The following EPB41L3 variants were observed in gnomAD, a reference collection of about 807,000 sequenced individuals.
EPB41L3 encodes the protein erythrocyte membrane protein band 4.1 like 3, also known as band 4.1-like protein 3.
EPB41L3 carries 57 observed loss-of-function variants against 127.1 expected under a neutral mutation model. The observed-to-expected ratio is 0.45, with a 90% CI of 0.36 to 0.56. EPB41L3 has a LOEUF of 0.56. EPB41L3 is among the 20% of genes least tolerant of loss of function. The pLI, the probability that EPB41L3 is intolerant of heterozygous loss-of-function variation, is 0.00. For synonymous variants in EPB41L3, 572 were observed against 549.5 expected, an observed-to-expected ratio of 1.04 and a Z score of -0.57; for missense variants, 1,273 against 1,372.2, an observed-to-expected ratio of 0.93 and a Z score of 1.14.
intron 3 of EPB41L3, chr18:5,466,508 G>C (rs1185577074): frequency 6.6e-6 from 1 of 152,162 alleles, no homozygotes; most frequent in African/African-American, 2.4e-5. Context: ...ATTCTTCCCT[G>C]AACCTACTTC....
intron 3 of EPB41L3, among the ~76,000 whole-genome samples, chr18:5,576,856 A>G (rs558878678): frequency 6.6e-6 from 1 of 152,352 alleles, no homozygotes; most frequent in African/African-American, 2.4e-5. Context: ...TGCAAAGTCT[A>G]AGCATAAGTA....
chr18:5,433,614 T>C, intron 7 of EPB41L3, 58 bp from the exon 8 acceptor site: 2 of 1,442,180 alleles, frequency 1.4e-6, no homozygotes, highest in Admixed American at 3.6e-5. Context: ...TAGGCTGCAA[T>C]ATTTCCCACT....
At position 5,397,199 on chromosome 18, in the gene EPB41L3, C is replaced by G; in HGVS notation, c.2700G>C (p.Gly900=). ...CCTCCTCCCCTCCTTCCTCTTTAGCCCCCTCCGTCAAGGCAGAGCCCTCTT... is the reference window on the plus strand; with the variant it reads ...CCTCCTCCCCTCCTTCCTCTTTAGCGCCCTCCGTCAAGGCAGAGCCCTCTT... ...KGKEGSALTE[G]AKEEGGEEVA... The change falls in exon 18 of 23, where the codon GGG becomes GGC. Residue 900 remains glycine (G), a synonymous_variant. Transcript: ENST00000341928. The surrounding 1 kb of genome is among the most constrained non-coding windows in gnomAD (Gnocchi z 4.1). 1 of 1,614,142 alleles carries G rather than the reference C, an allele frequency of 6.2e-7. No individual in the cohort carries two copies. Among genetic ancestry groups the G allele is most frequent in the Non-Finnish European group, 8.5e-7 (1 of 1,180,020 alleles).
chr18:5,536,541 C>T (rs2093578401), intron 1 of EPB41L3, among the ~76,000 whole-genome samples: 1 of 151,188 alleles, frequency 6.6e-6, no homozygotes, highest in South Asian at 2.1e-4. Context: ...GTGGCTCACA[C>T]CTGTAATCCC....
At chr18:5,446,471 T>C (rs926618586) in intron 3 of EPB41L3, among the ~76,000 whole-genome samples, 1 of 151,886 alleles carries the variant, frequency 6.6e-6, no homozygotes, top group Non-Finnish European at 1.5e-5. Context: ...ACTAAATGAG[T>C]TTTTTGTTTG....
chr18:5,534,801 A>G (rs1252966002), intron 1 of EPB41L3, among the ~76,000 whole-genome samples: 1 of 152,188 alleles, frequency 6.6e-6, no homozygotes, highest in Non-Finnish European at 1.5e-5. Context: ...CTTCAAACAC[A>G]GATCTCATTT....
At chr18:5,628,036 T>A (rs1055946502) in intron 1 of EPB41L3, among the ~76,000 whole-genome samples, 1 of 152,198 alleles carries the variant, frequency 6.6e-6, no homozygotes, top group Non-Finnish European at 1.5e-5. Flanking sequence ...AGAACCGACC[T>A]GAACTTGACT....
chr18:5,394,561 C>T (rs1335454191), intron 22 of EPB41L3, 116 bp downstream of exon 22: 3 of 737,360 alleles, frequency 4.1e-6, no homozygotes, highest in African/African-American at 3.5e-5. Context: ...GTAACCAGCC[C>T]AACAAATGCC....
intron 3 of EPB41L3, among the ~76,000 whole-genome samples, chr18:5,596,305 T>G (rs2094536741): frequency 6.6e-6 from 1 of 152,196 alleles, no homozygotes; most frequent in African/African-American, 2.4e-5. Context: ...AGGAATGGAT[T>G]TCTAACAAGT....
intron 15 of EPB41L3, 35 bp from the exon 16 acceptor site, chr18:5,407,003 G>T: frequency 6.3e-7 from 1 of 1,576,882 alleles, no homozygotes; most frequent in Non-Finnish European, 8.7e-7. Context: ...AACAGTCAAT[G>T]TTTTACATTT....
chr18:5,601,278 A>G (rs1370466054), intron 3 of EPB41L3, among the ~76,000 whole-genome samples: 1 of 152,140 alleles, frequency 6.6e-6, no homozygotes, highest in Non-Finnish European at 1.5e-5. Context: ...TTCAGAGATA[A>G]CACCATCAAA....
Position 5,543,776 on chromosome 18 carries a change from G to A in EPB41L3, c.-12+137C>T, listed in dbSNP as rs2093820177. The A allele has an allele frequency of 4.3e-6, 3 of 704,896 alleles. 1 individual carries two copies. In the South Asian group the frequency reaches 1.9e-4, roughly 45 times the overall value. The allele number at this position is 704,896 out of a possible 1,614,324, so 43.7% of individuals were successfully genotyped here. ...CGCCGGGCGCGGGGCTCGGGATTCG[G>A]GAGACCGCGCGGCGCCGAAGCCACG... On this transcript the variant is annotated intron_variant, in intron 1 of 22. Coordinates refer to ENST00000341928, the MANE Select transcript of EPB41L3 (RefSeq NM_012307.5). The surrounding 1 kb of genome is among the most constrained non-coding windows in gnomAD (Gnocchi z 5.2).
intron 1 of EPB41L3, among the ~76,000 whole-genome samples, chr18:5,524,169 AT>A (rs1224167902): frequency 4.2e-4 from 61 of 144,628 alleles, no homozygotes; most frequent in Middle Eastern, 3.5e-3. Context: ...GACTCTTTTC[AT>A]TTTTTTTTTT....
chr18:5,607,921 A>G (rs983199496), intron 3 of EPB41L3, among the ~76,000 whole-genome samples: 7 of 152,178 alleles, frequency 4.6e-5, no homozygotes, highest in African/African-American at 9.7e-5. Context: ...GTCCAAAAGT[A>G]TGTTAAACTG....
At chr18:5,538,885 A>C (rs1180513336) in intron 1 of EPB41L3, among the ~76,000 whole-genome samples, 2 of 152,196 alleles carry the variant, frequency 1.3e-5, no homozygotes, top group Non-Finnish European at 2.9e-5. Context: ...GACAGAGGTA[A>C]CAACCTTGTT....
At chr18:5,594,896 A>G (rs1209363778) in intron 3 of EPB41L3, among the ~76,000 whole-genome samples, 2 of 152,226 alleles carry the variant, frequency 1.3e-5, no homozygotes, top group Admixed American at 1.3e-4. Flanking sequence ...CATACGGAAA[A>G]TAAGGAGAAA....
At position 5,397,219 on chromosome 18, in the gene EPB41L3, C is replaced by T. The variant is rs746983484; in HGVS notation, c.2680G>A (p.Gly894Ser). ...TTAGCCCCCTCCGTCAAGGCAGAGC[C>T]CTCTTTCCCTTTAATGCCTGTGAAT... ...PAFTGIKGKE[G>S]SALTEGAKEE... Residue 894 changes from glycine to serine, a missense_variant, in exon 18 of 23, where the codon GGC (glycine) becomes AGC (serine). This residue lies in a region of EPB41L3 where 765 missense variants were observed against 782.9 expected (regional missense o/e 0.98). Coordinates refer to ENST00000341928, the MANE Select transcript of EPB41L3 (RefSeq NM_012307.5). This position sits in a 1 kb window ranked among gnomAD's most constrained non-coding sequence, Gnocchi z 4.1. 1 of 1,614,060 alleles carries T rather than the reference C, an allele frequency of 6.2e-7. No individual in the cohort carries two copies. Among genetic ancestry groups the T allele is most frequent in the Non-Finnish European group, 8.5e-7 (1 of 1,180,056 alleles).
intron 1 of EPB41L3, among the ~76,000 whole-genome samples, chr18:5,624,244 C>T (rs2094897601): frequency 6.6e-6 from 1 of 152,214 alleles, no homozygotes; most frequent in African/African-American, 2.4e-5. Context: ...ATCATCCCAC[C>T]TCAGCCTCTG....
chr18:5,543,092 G>C lies in EPB41L3; in HGVS notation c.-12+821C>G, dbSNP rs1048255707. On this transcript the variant is annotated intron_variant, in intron 1 of 22. Coordinates refer to ENST00000341928, the MANE Select transcript of EPB41L3 (RefSeq NM_012307.5). This position sits in a 1 kb window ranked among gnomAD's most constrained non-coding sequence, Gnocchi z 5.2. ...GCGCCGCCCCGAGCCCCCGGGCCAC[G>C]GCAGGCCGACCCAGGCGCCCCCGGC... Among the ~76,000 whole-genome samples the C allele has an allele frequency of 1.3e-5, 2 of 151,620 alleles. No homozygotes were observed. The highest frequency in any genetic ancestry group is 2.9e-5 in the Non-Finnish European group (2 of 67,858).
Sources: gnomAD v4.1 joint callset for allele counts (sites outside exome capture counted in the v4.1 genomes callset) on GRCh38, gnomAD v4.1.1 for gene constraint, gnomAD v4.1.1 regional missense constraint, Gnocchi (gnomAD v3.1) non-coding constraint, MANE v1.5 for transcripts, NCBI Gene and HGNC (gene_info 2026-07-23, HGNC 2026-07-21) for gene names.